ZNF618: variants seen among roughly 807,000 people sequenced by gnomAD.
ZNF618 encodes the protein zinc finger protein 618.
Under a neutral mutation model 103.0 loss-of-function variants are expected in ZNF618, and 34 were observed. The observed-to-expected ratio is 0.33, with a 90% CI of 0.25 to 0.44. ZNF618 has a LOEUF of 0.44. Ranked by LOEUF, ZNF618 falls within the 20% of genes least tolerant of loss-of-function variation. The pLI, the probability that ZNF618 is intolerant of heterozygous loss-of-function variation, is 1.00. For missense variants in ZNF618, 1,059 were observed against 1,295.4 expected, an observed-to-expected ratio of 0.82 and a Z score of 2.80; for synonymous variants, 551 against 542.2, an observed-to-expected ratio of 1.02 and a Z score of -0.23.
At chr9:113,955,374 C>T (rs919724440) in intron 1 of ZNF618, among the ~76,000 whole-genome samples, 2 of 151,382 alleles carry the variant, frequency 1.3e-5, no homozygotes, top group Non-Finnish European at 2.9e-5. Flanking sequence ...CTAGATTTCT[C>T]AGCAGGCACC....
chr9:113,989,070 T>C (rs1280240600), intron 3 of ZNF618, among the ~76,000 whole-genome samples: 1 of 152,174 alleles, frequency 6.6e-6, no homozygotes, highest in Non-Finnish European at 1.5e-5. Flanking sequence ...GAAACTCACA[T>C]CTTAGCAACA....
intron 13 of ZNF618, among the ~76,000 whole-genome samples, chr9:114,040,329 TTTTC>T (rs913134834): frequency 1.1e-4 from 16 of 143,684 alleles, no homozygotes; most frequent in African/African-American, 2.0e-4. Context: ...AGGCTACTTG[TTTTC>T]TTTCTTTTTT....
At chr9:114,032,187 C>A (rs1285117073) in intron 11 of ZNF618, among the ~76,000 whole-genome samples, 6 of 152,234 alleles carry the variant, frequency 3.9e-5, no homozygotes, top group Non-Finnish European at 8.8e-5. Flanking sequence ...TCACCAGGGA[C>A]CACCTAGCTG....
intron 1 of ZNF618, among the ~76,000 whole-genome samples, chr9:113,921,268 G>A (rs576595644): frequency 5.6e-4 from 86 of 152,336 alleles, no homozygotes; most frequent in African/African-American, 1.8e-3. Context: ...AATCAGGCCA[G>A]TGTTATGCAC....
In ZNF618 at chr9:114,051,343, G is replaced by A. The variant is rs1464847941; in HGVS notation, c.*1176G>A. 1.3e-5 allele frequency: 2 copies of A among 152,686 alleles called. No individual in the cohort carries two copies. The highest frequency in any genetic ancestry group is 1.3e-4 in the Admixed American group (2 of 15,280). 9.5% of individuals were successfully genotyped at this position (152,686 alleles called of 1,614,324 possible). On this transcript the variant is annotated 3_prime_UTR_variant, in exon 15 of 15. Transcript: ENST00000374126. ...CTGTGCTATTTGGAGACCAGGCGTT[G>A]GGGAGGATTCACGGGTTCCACAGCT...
intron 3 of ZNF618, among the ~76,000 whole-genome samples, chr9:113,997,542 T>C (rs759077571): frequency 3.9e-5 from 6 of 152,214 alleles, no homozygotes; most frequent in Non-Finnish European, 5.9e-5. Flanking sequence ...TAATCACCTT[T>C]ACCTGCTGGA....
At chr9:113,953,937 T>A (rs910054483) in intron 1 of ZNF618, among the ~76,000 whole-genome samples, 19 of 151,990 alleles carry the variant, frequency 1.3e-4, no homozygotes, top group African/African-American at 4.6e-4. Flanking sequence ...AATAAGTGCT[T>A]TAAGAAAACA....
intron 1 of ZNF618, among the ~76,000 whole-genome samples, chr9:113,941,013 T>G (rs1286600389): frequency 1.3e-5 from 2 of 152,172 alleles, no homozygotes; most frequent in African/African-American, 4.8e-5. Context: ...TGCCAAAGTT[T>G]TCTTTATTCC....
At chr9:113,947,024 A>G (rs1454858350) in intron 1 of ZNF618, among the ~76,000 whole-genome samples, 2 of 152,194 alleles carry the variant, frequency 1.3e-5, no homozygotes, top group East Asian at 3.9e-4. Context: ...CGACACAGAC[A>G]GCATCTCCCC....
rs374734468 is a variant in ZNF618 at position 114,049,412 on chromosome 9, G to C, written c.2110G>C (p.Val704Leu). 6 of 1,603,432 alleles carry C rather than the reference G, an allele frequency of 3.7e-6. No homozygotes were observed. The highest frequency in any genetic ancestry group is 5.1e-6 in the Non-Finnish European group (6 of 1,175,296). The change falls in exon 15 of 15, where the codon GTG becomes CTG. Residue 704 changes from valine (V) to leucine (L), a missense_variant. Val to Leu is a conservative substitution (Grantham distance 32, BLOSUM62 1). Coordinates refer to ENST00000374126, the MANE Select transcript of ZNF618 (RefSeq NM_001318042.2). ...WNSVTDSLLL[V>L]HERYEQICEF... is the part of the protein sequence containing the mutation. ...CTCGGTGACGGACTCACTGTTGCTG[G>C]TGCATGAGCGCTATGAGCAGATCTG... is the stretch of plus-strand genomic sequence containing the variant.
At chr9:114,019,414 C>G (rs1009745525) in intron 10 of ZNF618, among the ~76,000 whole-genome samples, 2 of 152,174 alleles carry the variant, frequency 1.3e-5, no homozygotes, top group African/African-American at 4.8e-5. Context: ...TAATAAGTGA[C>G]AAACCATTTT....
chr9:114,001,879 G>A, intron 4 of ZNF618, 117 bp from the exon 5 acceptor site: 1 of 879,526 alleles, frequency 1.1e-6, no homozygotes, highest in Admixed American at 1.8e-5. Context: ...CCTTGCCAGG[G>A]ACCATCTCTG....
chr9:113,960,554 A>G (rs954861944), intron 1 of ZNF618, among the ~76,000 whole-genome samples: 1 of 152,234 alleles, frequency 6.6e-6, no homozygotes, highest in Non-Finnish European at 1.5e-5. Context: ...CCAGACAGGA[A>G]TGATTTATGT....
At chr9:113,901,655 G>GACC (rs1830561662) in intron 1 of ZNF618, among the ~76,000 whole-genome samples, 1 of 152,178 alleles carries the variant, frequency 6.6e-6, no homozygotes, top group Non-Finnish European at 1.5e-5. Context: ...CCAGGGGACA[G>GACC]GGTTATCACG....
rs565423401 is a variant in ZNF618, at chr9:114,020,843, G to T, written c.844+4059G>T. Reference sequence around the variant, plus strand: ...CCCTCCAGTACAATGTTGAATAGAAGAAATTAGTGAATATTTTTTGCCATG... The same window carrying T: ...CCCTCCAGTACAATGTTGAATAGAATAAATTAGTGAATATTTTTTGCCATG... On this transcript the variant is annotated intron_variant, in intron 10 of 14. Transcript: ENST00000374126. Among the ~76,000 whole-genome samples the T allele has an allele frequency of 2.6e-5, 4 of 151,972 alleles. No homozygotes were observed. In the East Asian group the frequency reaches 7.7e-4, roughly 29 times the overall value.
intron 1 of ZNF618, among the ~76,000 whole-genome samples, chr9:113,932,110 C>T (rs75741924): frequency 0.027 from 4,092 of 152,116 alleles, 87 homozygotes; most frequent in Middle Eastern, 0.054. Context: ...TTAAGTGCTG[C>T]GAAGAAAAAG....
intron 1 of ZNF618, among the ~76,000 whole-genome samples, chr9:113,883,982 GCC>G (rs558766678): frequency 7.4e-4 from 22 of 29,700 alleles, no homozygotes; most frequent in South Asian, 6.0e-3. Flanking sequence ...TCTGGGCTTG[GCC>G]CCCCCCCCCC....
At chr9:113,907,485 G>A (rs1831089788) in intron 1 of ZNF618, among the ~76,000 whole-genome samples, 1 of 152,152 alleles carries the variant, frequency 6.6e-6, no homozygotes, top group Admixed American at 6.5e-5. Flanking sequence ...TTGCCACCCC[G>A]GGCAGGGACT....
At chr9:113,936,927 T>A (rs1834077251) in intron 1 of ZNF618, among the ~76,000 whole-genome samples, 1 of 152,230 alleles carries the variant, frequency 6.6e-6, no homozygotes, top group African/African-American at 2.4e-5. Context: ...TTTGTTTTTT[T>A]ACTATATCTG....
Sources: allele counts gnomAD v4.1 joint callset (sites outside exome capture counted in the v4.1 genomes callset), GRCh38; gene constraint gnomAD v4.1.1; transcripts MANE v1.5; gene names NCBI Gene and HGNC (gene_info 2026-07-23, HGNC 2026-07-21).